Variants in CSMD1 observed in about 807,000 individuals in gnomAD.
The protein encoded by CSMD1 is CUB and Sushi multiple domains 1, also known as CUB and sushi domain-containing protein 1.
Under a neutral mutation model 417.5 loss-of-function variants are expected in CSMD1, and 213 were observed. The ratio of observed to expected loss-of-function variants is 0.51; its 90% CI spans 0.46 to 0.57. The LOEUF is 0.57. Among genes scored for constraint, CSMD1 ranks in the 20% least tolerant of loss-of-function variants. The pLI is 0.00. For missense variants in CSMD1, 6,923 were observed against 4,529.7 expected, an observed-to-expected ratio of 1.53 and a Z score of -15.17; for synonymous variants, 2,862 against 1,736.8, an observed-to-expected ratio of 1.65 and a Z score of -16.11.
chr8:3,278,903 C>T (rs975953523), intron 26 of CSMD1: 2 of 152,196 alleles, frequency 1.3e-5, no homozygotes, highest in African/African-American at 2.4e-5. Context: ...CAGTTTCTTC[C>T]TGCAGTGAAG....
At chr8:3,284,592 G>T (rs577928419) in intron 25 of CSMD1, 26 of 495,956 alleles carry the variant, frequency 5.2e-5, no homozygotes, top group South Asian at 4.5e-4. Context: ...TGAGCTAGAT[G>T]CTGAGCTATC....
intron 4 of CSMD1, among the ~76,000 whole-genome samples, chr8:4,005,243 C>G (rs1816017976): frequency 6.6e-6 from 1 of 151,260 alleles, no homozygotes; most frequent in Non-Finnish European, 1.5e-5. Context: ...GAAGAACTTA[C>G]TTATGTAACC....
rs185488624 is a variant in CSMD1, at chr8:3,377,020, C to A, written c.2783-7650G>T. On this transcript the variant is annotated intron_variant, in intron 18 of 69. Coordinates refer to ENST00000635120, the MANE Select transcript of CSMD1 (RefSeq NM_033225.6). Reference sequence around the variant, plus strand: ...TTTGTAGATTTAGTAATAGCTCTTTCTTTGTGGAGACAGAGTCTTGCTCTA... The same window carrying A: ...TTTGTAGATTTAGTAATAGCTCTTTATTTGTGGAGACAGAGTCTTGCTCTA... 7.9e-5 allele frequency among the ~76,000 whole-genome samples: 12 copies of A among 152,262 alleles called. No homozygotes were observed. In the East Asian group the frequency reaches 1.7e-3, roughly 22 times the overall value.
chr8:4,386,741 T>G (rs11785795), intron 3 of CSMD1, among the ~76,000 whole-genome samples: 1 of 152,102 alleles, frequency 6.6e-6, no homozygotes, highest in Non-Finnish European at 1.5e-5. Context: ...GAAGTGCTAA[T>G]GATGACTTTA....
At chr8:3,528,136 G>T (rs753338576) in intron 10 of CSMD1, among the ~76,000 whole-genome samples, 6 of 152,194 alleles carry the variant, frequency 3.9e-5, no homozygotes, top group African/African-American at 1.4e-4. Flanking sequence ...ATTTTACAAA[G>T]GGAGCTGACA....
chr8:4,390,942 C>A (rs532873726), intron 3 of CSMD1, among the ~76,000 whole-genome samples: 1 of 152,248 alleles, frequency 6.6e-6, no homozygotes, highest in South Asian at 2.1e-4. Flanking sequence ...ACTGCTAATC[C>A]AAAGACACAC....
chr8:4,405,712 C>T (rs141467977), intron 3 of CSMD1, among the ~76,000 whole-genome samples: 43 of 152,200 alleles, frequency 2.8e-4, no homozygotes, highest in Non-Finnish European at 5.9e-4. Context: ...TCTATTGCTT[C>T]TTATGAAACC....
chr8:4,907,580 G>T (rs546096024), intron 1 of CSMD1, among the ~76,000 whole-genome samples: 1 of 151,994 alleles, frequency 6.6e-6, no homozygotes, highest in Non-Finnish European at 1.5e-5. Context: ...GGTTTTTTGA[G>T]ACAGGTTTTC....
intron 2 of CSMD1, among the ~76,000 whole-genome samples, chr8:4,564,510 A>C (rs1372850842): frequency 6.6e-6 from 1 of 152,146 alleles, no homozygotes; most frequent in East Asian, 1.9e-4. Context: ...TACTTTATCT[A>C]TTATAATTGT....
chr8:3,629,011 T>A (rs35166084), intron 7 of CSMD1, among the ~76,000 whole-genome samples: 1,721 of 151,956 alleles, frequency 0.011, 23 homozygotes, highest in African/African-American at 0.035. Flanking sequence ...AAAGATAAAA[T>A]AGAATTCTAA....
intron 3 of CSMD1, among the ~76,000 whole-genome samples, chr8:4,118,124 T>C (rs569271785): frequency 9.4e-4 from 143 of 151,964 alleles, no homozygotes; most frequent in African/African-American, 3.4e-3. Context: ...TACAGAATAG[T>C]GAGGAAACGG....
At position 3,348,124 on chromosome 8, in the gene CSMD1, T is replaced by C. The variant is rs753898399; in HGVS notation, c.3342A>G (p.Thr1114=). The C allele has an allele frequency of 4.3e-6, 7 of 1,612,570 alleles. No homozygotes were observed. In the African/African-American group the frequency reaches 6.7e-5, roughly 15 times the overall value. The part of the protein sequence containing the change: ...CGASVKGNEG[T]LLSPNFPSNY... ...TGGATGGAAAATTTGGAGACAGTAA[T>C]GTTCCTTCATTTCCTTTGACACTTG... The change falls in exon 22 of 70, where the codon ACA becomes ACG. Residue 1114 remains threonine (T), a synonymous_variant. Coordinates refer to ENST00000635120, the MANE Select transcript of CSMD1 (RefSeq NM_033225.6).
chr8:3,354,809 C>G (rs76539177), intron 21 of CSMD1, among the ~76,000 whole-genome samples: 1 of 97,882 alleles, frequency 1.0e-5, no homozygotes, highest in East Asian at 3.2e-4. Flanking sequence ...CTCTCTCTCT[C>G]TCTATATATA....
At chr8:4,070,915 T>C (rs1001747466) in intron 3 of CSMD1, among the ~76,000 whole-genome samples, 1 of 152,222 alleles carries the variant, frequency 6.6e-6, no homozygotes, top group African/African-American at 2.4e-5. Context: ...ACTTTAATGA[T>C]GTTGTTTTCT....
At chr8:3,135,380 C>T (rs146864181) in intron 41 of CSMD1, among the ~76,000 whole-genome samples, 2 of 152,262 alleles carry the variant, frequency 1.3e-5, no homozygotes, top group African/African-American at 4.8e-5. Context: ...TTTCCAGGTA[C>T]CTTCTTAAAG....
chr8:4,898,490 G>A (rs1298145412), intron 1 of CSMD1, among the ~76,000 whole-genome samples: 2 of 152,160 alleles, frequency 1.3e-5, no homozygotes, highest in Non-Finnish European at 2.9e-5. Flanking sequence ...CCAAATGCTT[G>A]CCTGCTCACT....
At chr8:4,410,433 C>G (rs965227351) in intron 3 of CSMD1, among the ~76,000 whole-genome samples, 7 of 152,166 alleles carry the variant, frequency 4.6e-5, no homozygotes, top group African/African-American at 1.7e-4. Flanking sequence ...CTTTGCATTT[C>G]TAGCGTCCAG....
intron 10 of CSMD1, among the ~76,000 whole-genome samples, chr8:3,549,840 G>A (rs1477980842): frequency 6.6e-6 from 1 of 152,092 alleles, no homozygotes; most frequent in Non-Finnish European, 1.5e-5. Flanking sequence ...CAGGTATTCT[G>A]TTACAAGCAA....
intron 12 of CSMD1, among the ~76,000 whole-genome samples, chr8:3,444,870 T>C (rs543265485): frequency 1.1e-4 from 16 of 152,112 alleles, no homozygotes; most frequent in Admixed American, 2.0e-4. Context: ...CAGAATACTA[T>C]CGATTTGTGG....
Sources: allele counts gnomAD v4.1 joint callset (sites outside exome capture counted in the v4.1 genomes callset), GRCh38; gene constraint gnomAD v4.1.1; transcripts MANE v1.5; gene names NCBI Gene and HGNC (gene_info 2026-07-23, HGNC 2026-07-21).